ACP7: variants seen among roughly 807,000 people sequenced by gnomAD.
The protein encoded by ACP7 is acid phosphatase type 7.
ACP7 carries 58 observed loss-of-function variants against 60.6 expected under a neutral mutation model. The observed-to-expected ratio is 0.96, with a 90% CI of 0.77 to 1.19. The LOEUF is 1.19. ACP7 is among the 50% of genes most tolerant of loss of function. The pLI, the probability that ACP7 is intolerant of heterozygous loss-of-function variation, is 0.00. For missense variants in ACP7, 574 were observed against 596.2 expected, an observed-to-expected ratio of 0.96 and a Z score of 0.39; for synonymous variants, 237 against 232.6, an observed-to-expected ratio of 1.02 and a Z score of -0.17.
chr19:39,102,767 C>CTTTCTTTCTTTCTTTCTTTCTTTCTT (rs754172891), intron 11 of ACP7, among the ~76,000 whole-genome samples: 9 of 101,052 alleles, frequency 8.9e-5, no homozygotes, highest in African/African-American at 1.7e-4. Context: ...TTCTTTCTTT[C>CTTTCTTTCTTTCTTTCTTTCTTTCTT]TCTCTCTCTC....
At chr19:39,090,589 C>T (rs1185734264) in intron 2 of ACP7, among the ~76,000 whole-genome samples, 2 of 151,758 alleles carry the variant, frequency 1.3e-5, no homozygotes, top group Non-Finnish European at 2.9e-5. Context: ...CTCAAGTGAC[C>T]CTCATCACTT....
intron 12 of ACP7, 101 bp from the exon 13 acceptor site, chr19:39,109,952 C>T: frequency 1.7e-6 from 2 of 1,194,074 alleles, no homozygotes; most frequent in East Asian, 2.3e-5. Flanking sequence ...CAGGGTTGTA[C>T]AGCCCATCAG....
In ACP7 at chr19:39,097,370, T is replaced by C. The variant is rs1250245420; in HGVS notation, c.122-1088T>C. ...GTGAGCCGAGAATGCGCCATTGCACTCCAGCCTAGGCAACAGGGCAAGACT... is the reference window on the plus strand; with the variant it reads ...GTGAGCCGAGAATGCGCCATTGCACCCCAGCCTAGGCAACAGGGCAAGACT... On this transcript the variant is annotated intron_variant, in intron 2 of 12. Coordinates refer to ENST00000331256, the MANE Select transcript of ACP7 (RefSeq NM_001004318.3). Among the ~76,000 whole-genome samples the C allele has an allele frequency of 9.7e-5, 14 of 143,614 alleles. No homozygotes were observed. In the East Asian group the frequency reaches 2.7e-3, roughly 28 times the overall value. The allele number at this position is 143,614 out of a possible 152,430, so 94.2% of individuals were successfully genotyped here.
intron 2 of ACP7, among the ~76,000 whole-genome samples, chr19:39,095,350 TA>T (rs2073253590): frequency 6.6e-6 from 1 of 152,266 alleles, no homozygotes; most frequent in Admixed American, 6.5e-5. Context: ...AGAAATTGGC[TA>T]AAACAAAGGC....
In ACP7 at chr19:39,097,014, A is replaced by C. The variant is rs145922789; in HGVS notation, c.122-1444A>C. Among the ~76,000 whole-genome samples, 1,038 of 152,124 alleles carry C rather than the reference A, an allele frequency of 6.8e-3. 15 individuals are homozygous for C. The highest frequency in any genetic ancestry group is 0.02 in the African/African-American group (817 of 41,514). ...ATGGGGTTTCACCATGTTGGCCAGGATGGTCTCGATCTCCTGACCTCGTGA... is the reference window on the plus strand; with the variant it reads ...ATGGGGTTTCACCATGTTGGCCAGGCTGGTCTCGATCTCCTGACCTCGTGA... On this transcript the variant is annotated intron_variant, in intron 2 of 12. Transcript: ENST00000331256.
At chr19:39,084,598 C>A (rs1000310302) in intron 1 of ACP7, among the ~76,000 whole-genome samples, 198 bp downstream of exon 1, 1 of 151,146 alleles carries the variant, frequency 6.6e-6, no homozygotes, top group African/African-American at 2.4e-5. Context: ...TCTAAAGGAT[C>A]TGGGGGTGGT....
chr19:39,102,741 T>TTC (rs1329254119), intron 11 of ACP7, among the ~76,000 whole-genome samples: 20 of 83,036 alleles, frequency 2.4e-4, no homozygotes, highest in African/African-American at 7.4e-4. Flanking sequence ...CTTTCTTTCT[T>TTC]TCTTTCTTTC....
intron 12 of ACP7, among the ~76,000 whole-genome samples, chr19:39,108,553 A>G (rs2145047115): frequency 6.6e-6 from 1 of 152,234 alleles, no homozygotes; most frequent in South Asian, 2.1e-4. Context: ...TAAAATGCTT[A>G]GAAGAGTGCG....
chr19:39,101,459 T>C lies in ACP7; in HGVS notation c.1042-7T>C, dbSNP rs186807855. 7.6e-4 allele frequency: 1,222 copies of C among 1,614,010 alleles called. 17 individuals are homozygous for C. In the East Asian group the frequency reaches 0.024, roughly 31 times the overall value. On this transcript the variant is annotated splice_polypyrimidine_tract_variant and splice_region_variant and intron_variant, in intron 10 of 12. Transcript: ENST00000331256. The stretch of plus-strand genomic sequence containing the variant: ...TGCCTGCCACCCAACGTTGTTCCCT[T>C]CCCCAGGTATTTAACGGCAGCCGAG...
intron 11 of ACP7, among the ~76,000 whole-genome samples, chr19:39,103,870 C>T (rs561557082): frequency 1.9e-4 from 29 of 151,980 alleles, no homozygotes; most frequent in African/African-American, 6.5e-4. Context: ...ACTATGTTGC[C>T]CAGGCTGGTC....
At position 39,085,396 on chromosome 19, in the gene ACP7, T is replaced by C. The variant is rs756572768; in HGVS notation, c.121+6T>C. 5.6e-6 allele frequency: 9 copies of C among 1,605,422 alleles called. No homozygotes were observed. Among genetic ancestry groups the C allele is most frequent in the Non-Finnish European group, 7.7e-6 (9 of 1,176,222 alleles). On this transcript the variant is annotated splice_donor_region_variant and intron_variant, in intron 2 of 12. Coordinates refer to ENST00000331256, the MANE Select transcript of ACP7 (RefSeq NM_001004318.3). ...AGTCCATCTGTCTTACCCAGGTAAG[T>C]GTCCCTGACTCATTTCTATGCCTCT...
Position 39,098,586 on chromosome 19 carries a change from G to A in ACP7, c.250G>A (p.Gly84Arg), listed in dbSNP as rs144395661. The change falls in exon 3 of 13, where the codon GGG (glycine) becomes AGG (arginine). Residue 84 changes from glycine (G) to arginine (R), a missense_variant. Physicochemically the swap from Gly to Arg is moderately radical, Grantham distance 125 (BLOSUM62 -2). Coordinates refer to ENST00000331256, the MANE Select transcript of ACP7 (RefSeq NM_001004318.3). The part of the protein sequence containing the change: ...AQGTFVPFVD[G>R]GILRRKLYIH... ...GGGCACCTTCGTCCCCTTTGTGGAC[G>A]GGGGCATTCTCCGGCGGAAGCTCTA... The A allele has an allele frequency of 3.7e-6, 6 of 1,613,534 alleles. No homozygotes were observed. The highest frequency in any genetic ancestry group is 4.5e-5 in the East Asian group (2 of 44,858).
chr19:39,100,437 T>C, intron 5 of ACP7, 87 bp downstream of exon 5: 5 of 1,602,202 alleles, frequency 3.1e-6, no homozygotes, highest in Non-Finnish European at 4.3e-6. Flanking sequence ...GAGTCTCTCA[T>C]GCTGCAACAT....
intron 2 of ACP7, among the ~76,000 whole-genome samples, chr19:39,089,936 A>G (rs548027651): frequency 4.6e-5 from 7 of 152,288 alleles, no homozygotes; most frequent in African/African-American, 1.4e-4. Context: ...TTTCTCCACT[A>G]TAAAGTAATT....
In ACP7 at chr19:39,110,110, T is replaced by C; in HGVS notation, c.1309T>C (p.Tyr437His). The C allele has an allele frequency of 6.2e-7, 1 of 1,613,464 alleles. No homozygotes were observed. The highest frequency in any genetic ancestry group is 8.5e-7 in the Non-Finnish European group (1 of 1,179,370). The part of the protein sequence containing the change: ...VVRPLFGRRM[Y>H]L ...GAGACCCCTGTTTGGCCGGAGGATG[T>C]ACCTCTAGGGATGGCGGCAGCTCTC... Residue 437 changes from tyrosine to histidine, a missense_variant, in exon 13 of 13, where the codon TAC (tyrosine) becomes CAC (histidine). Transcript: ENST00000331256.
At chr19:39,105,177 G>A (rs560603487) in intron 11 of ACP7, among the ~76,000 whole-genome samples, 150 of 149,556 alleles carry the variant, frequency 1.0e-3, no homozygotes, top group Admixed American at 1.7e-3. Flanking sequence ...CACCACGCCC[G>A]GCTAATTATT....
At chr19:39,092,863 C>T (rs1018689174) in intron 2 of ACP7, among the ~76,000 whole-genome samples, 3 of 143,866 alleles carry the variant, frequency 2.1e-5, no homozygotes, top group South Asian at 2.2e-4. Flanking sequence ...CTGCAACCTT[C>T]GCCTCCCAGA....
rs149656463 is a variant in ACP7 at position 39,100,637 on chromosome 19, G to A, written c.687G>A (p.Trp229Ter). The A allele has an allele frequency of 3.0e-4, 481 of 1,613,848 alleles. No homozygotes were observed. Among genetic ancestry groups the A allele is most frequent in the Non-Finnish European group, 3.7e-4 (431 of 1,179,944 alleles). The change falls in exon 6 of 13, where the codon TGG becomes TGA. Residue 229 changes from tryptophan (W) to a stop codon, truncating the protein, a stop_gained. Transcript: ENST00000331256. LOFTEE classifies it high-confidence loss of function. ...FSMPGDNEGL[W>*]YSWDLGPAHI... is the part of the protein sequence containing the mutation. ...TGCCGGGGGATAATGAGGGCCTGTG[G>A]TACAGGTAATGTGGGGGTGCTGGGG...
At position 39,110,800 on chromosome 19, in the gene ACP7, C is replaced by T. The variant is rs1426739335; in HGVS notation, c.*682C>T. The T allele has an allele frequency of 6.6e-6, 1 of 152,276 alleles. No homozygotes were observed. The highest frequency in any genetic ancestry group is 1.5e-5 in the Non-Finnish European group (1 of 68,108). The allele number at this position is 152,276 out of a possible 1,614,324, so 9.4% of individuals were successfully genotyped here. A position where few individuals can be genotyped will look rare whatever the true frequency, so the allele number is the denominator to read the frequency against. ...CTTCCCTCTTTCCTTCCTTTCTTTC[C>T]CTTCTTTTATTTATTGAATCATAAT... On this transcript the variant is annotated 3_prime_UTR_variant, in exon 13 of 13. Transcript: ENST00000331256.
Sources: gnomAD v4.1 joint callset for allele counts (sites outside exome capture counted in the v4.1 genomes callset) on GRCh38, gnomAD v4.1.1 for gene constraint, MANE v1.5 for transcripts, NCBI Gene and HGNC (gene_info 2026-07-23, HGNC 2026-07-21) for gene names.